The following CDK20 variants were observed in gnomAD, a reference collection of about 807,000 sequenced individuals.
CDK20 encodes the protein cyclin dependent kinase 20.
CDK20 carries 40 observed loss-of-function variants against 38.6 expected under a neutral mutation model. That is an observed-to-expected ratio of 1.04 (90% CI 0.81 to 1.35). CDK20 has a LOEUF of 1.35. CDK20 is among the 40% of genes most tolerant of loss of function. The pLI is 0.00. For missense variants in CDK20, 512 were observed against 452.6 expected, an observed-to-expected ratio of 1.13 and a Z score of -1.19; for synonymous variants, 209 against 185.7, an observed-to-expected ratio of 1.13 and a Z score of -1.02.
Position 87,967,622 on chromosome 9 carries a change from G to A in CDK20, c.881C>T (p.Pro294Leu), listed in dbSNP as rs1389943445. The change falls in exon 8 of 8, where the codon CCT (proline) becomes CTT (leucine). Residue 294 changes from proline (P) to leucine (L), a missense_variant. Coordinates refer to ENST00000325303, the MANE Select transcript of CDK20 (RefSeq NM_001039803.3). ...AATCGGCAGCTCAGATGGATGGGCAGGCAGGGGAGCTGTGAAGAAGTACTG... is the reference window on the plus strand; with the variant it reads ...AATCGGCAGCTCAGATGGATGGGCAAGCAGGGGAGCTGTGAAGAAGTACTG... ...LHQYFFTAPL[P>L]AHPSELPIPQ... The A allele has an allele frequency of 6.7e-7, 1 of 1,503,374 alleles. No homozygotes were observed. Among genetic ancestry groups the A allele is most frequent in the Admixed American group, 2.2e-5 (1 of 46,012 alleles). 93.1% of individuals were successfully genotyped at this position (1,503,374 alleles called of 1,614,324 possible).
intron 2 of CDK20, among the ~76,000 whole-genome samples, chr9:87,972,212 G>GA (rs909778078): frequency 2.7e-5 from 4 of 150,192 alleles, no homozygotes; most frequent in East Asian, 1.9e-4. Flanking sequence ...ATCAAAAAAA[G>GA]AAAAAAAATC....
Position 87,967,443 on chromosome 9 carries a change from C to CG in CDK20, c.*18dup, listed in dbSNP as rs889870512. The CG allele has an allele frequency of 6.4e-6, 10 of 1,551,878 alleles. No homozygotes were observed. The highest frequency in any genetic ancestry group is 1.7e-4 in the Middle Eastern group (1 of 6,010). On this transcript the variant is annotated 3_prime_UTR_variant, in exon 8 of 8. Transcript: ENST00000325303. ...TGAGTGGTCCTGAGGAGCAGGCAGA[C>CG]GGGACCAGGGCCAACTTCTCACCCC...
chr9:87,973,864 A>G, intron 2 of CDK20, 58 bp downstream of exon 2: 1 of 1,555,036 alleles, frequency 6.4e-7, no homozygotes, highest in South Asian at 1.2e-5. Context: ...TGAAGGCACA[A>G]AGAAGTGGGA....
chr9:87,971,482 CAG>C (rs952398466), intron 2 of CDK20, 147 bp from the exon 3 acceptor site: 10 of 694,386 alleles, frequency 1.4e-5, no homozygotes, highest in East Asian at 1.1e-4. Flanking sequence ...AGCTAAGAAT[CAG>C]AGAGCTCGAT....
Position 87,967,576 on chromosome 9 carries a change from A to G in CDK20, c.927T>C (p.Pro309=). The change falls in exon 8 of 8, where the codon CCT becomes CCC. Residue 309 remains proline, a synonymous_variant. Transcript: ENST00000325303. The stretch of plus-strand genomic sequence containing the variant: ...GGGGCCCTGGATGGGCCTTGGGGGC[A>G]GGTCCCCCTAGACGCTGAGGAATCG... ...ELPIPQRLGG[P]APKAHPGPPH... 4 of 1,546,880 alleles carry G rather than the reference A, an allele frequency of 2.6e-6. No homozygotes were observed. The Middle Eastern group carries it at 6.7e-4, about 260-fold the overall frequency.
chr9:87,971,846 GACAA>G (rs376382191), intron 2 of CDK20, among the ~76,000 whole-genome samples: 13 of 152,094 alleles, frequency 8.5e-5, no homozygotes, highest in African/African-American at 2.6e-4. Context: ...CAGCACAAAG[GACAA>G]ACAGTTTAAC....
intron 2 of CDK20, among the ~76,000 whole-genome samples, chr9:87,973,615 T>A (rs893361593): frequency 6.6e-6 from 1 of 152,186 alleles, no homozygotes; most frequent in Admixed American, 6.5e-5. Flanking sequence ...CAATAGGTGC[T>A]AGTTACATTA....
In CDK20 at chr9:87,973,909, C is replaced by G; in HGVS notation, c.189+13G>C. The G allele has an allele frequency of 6.2e-7, 1 of 1,611,208 alleles. No homozygotes were observed. The highest frequency in any genetic ancestry group is 8.5e-7 in the Non-Finnish European group (1 of 1,178,176). On this transcript the variant is annotated intron_variant, in intron 2 of 7. Transcript: ENST00000325303. ...TGAGGGTGAGAATACCATGCCCCCC[C>G]TCCCCTACTCACATACTGATTGTCC...
chr9:87,969,769 C>T, intron 6 of CDK20, 27 bp downstream of exon 6: 1 of 1,613,204 alleles, frequency 6.2e-7, no homozygotes, highest in African/African-American at 1.3e-5. Context: ...CTGCCCCACA[C>T]CCACCTCACC....
chr9:87,972,793 A>G (rs572986852), intron 2 of CDK20, among the ~76,000 whole-genome samples: 61 of 152,314 alleles, frequency 4.0e-4, no homozygotes, highest in Non-Finnish European at 7.9e-4. Context: ...CAGCTTCCTT[A>G]TGGATCTCTC....
Position 87,971,379 on chromosome 9 carries a change from G to C in CDK20, c.190-44C>G, listed in dbSNP as rs761475631. On this transcript the variant is annotated intron_variant, in intron 2 of 7. Transcript: ENST00000325303. ...GTTAGCCCCCAGACTCAAGTCACCA[G>C]ACCCTCTCTGTGACCCTGAGACCCC... is the stretch of plus-strand genomic sequence containing the variant. 1.9e-6 allele frequency: 3 copies of C among 1,552,762 alleles called. No homozygotes were observed. In the South Asian group the frequency reaches 3.5e-5, roughly 18 times the overall value.
chr9:87,969,580 T>G (rs1829703957), intron 6 of CDK20: 3 of 786,376 alleles, frequency 3.8e-6, no homozygotes, highest in South Asian at 1.8e-5. Flanking sequence ...ACTGCACATG[T>G]GTGTACTGGG....
chr9:87,971,157 A>T lies in CDK20; in HGVS notation c.368T>A (p.Ile123Asn). The T allele has an allele frequency of 6.2e-7, 1 of 1,613,946 alleles. No homozygotes were observed. The highest frequency in any genetic ancestry group is 8.5e-7 in the Non-Finnish European group (1 of 1,179,916). ...KGVAFCHANN[I>N]VHRDLKPANL... ...TATGCTGAGACTGACCCGATGTACA[A>T]TGTTGTTGGCATGGCAGAAGGCGAC... Residue 123 changes from isoleucine (I) to asparagine (N), a missense_variant, in exon 3 of 8, where the codon ATT (isoleucine) becomes AAT (asparagine). Ile to Asn is a moderately radical substitution (Grantham distance 149). Coordinates refer to ENST00000325303, the MANE Select transcript of CDK20 (RefSeq NM_001039803.3).
Position 87,971,336 on chromosome 9 carries a change from C to A in CDK20, c.190-1G>T, listed in dbSNP as rs777853462. ...GGAACACAGCCTTCAGTTGTACCACCTGTGGGCAGGACATCTTGTTAGCCC... is the reference window on the plus strand; with the variant it reads ...GGAACACAGCCTTCAGTTGTACCACATGTGGGCAGGACATCTTGTTAGCCC... On this transcript the variant is annotated splice_acceptor_variant, in intron 2 of 7. Coordinates refer to ENST00000325303, the MANE Select transcript of CDK20 (RefSeq NM_001039803.3). LOFTEE classifies it high-confidence loss of function. 6.2e-7 allele frequency: 1 copy of A among 1,609,974 alleles called. No homozygotes were observed. Among genetic ancestry groups the A allele is most frequent in the South Asian group, 1.1e-5 (1 of 90,378 alleles).
Position 87,967,542 on chromosome 9 carries a change from G to T in CDK20, c.961C>A (p.His321Asn). Residue 321 changes from histidine to asparagine, a missense_variant, in exon 8 of 8, where the codon CAT (histidine) becomes AAT (asparagine). His to Asn is a moderately conservative substitution (Grantham distance 68). Transcript: ENST00000325303. ...AGAGGCCGGTCCACGTGGAAGTCAT[G>T]GATGTGGGGGGGCCCTGGATGGGCC... is the stretch of plus-strand genomic sequence containing the variant. ...PKAHPGPPHIHDFHVDRPLEE... is the reference protein window; with the variant it reads ...PKAHPGPPHINDFHVDRPLEE... 1 of 1,554,058 alleles carries T rather than the reference G, an allele frequency of 6.4e-7. No individual in the cohort carries two copies. The highest frequency in any genetic ancestry group is 8.7e-7 in the Non-Finnish European group (1 of 1,148,310).
chr9:87,974,525 A>G lies in CDK20; in HGVS notation c.-79T>C. 1 of 1,323,368 alleles carries G rather than the reference A, an allele frequency of 7.6e-7. No homozygotes were observed. Among genetic ancestry groups the G allele is most frequent in the Non-Finnish European group, 1.0e-6 (1 of 975,800 alleles). 82.0% of individuals were successfully genotyped at this position (1,323,368 alleles called of 1,614,324 possible). A position where few individuals can be genotyped will look rare whatever the true frequency, so the allele number is the denominator to read the frequency against. On this transcript the variant is annotated 5_prime_UTR_variant, in exon 1 of 8. Transcript: ENST00000325303. ...TTCTCCTCCACCCCACGCTGATCTG[A>G]GCTCGCACGCTGTTGCCTAGCAACA...
At position 87,971,216 on chromosome 9, in the gene CDK20, C is replaced by T. The variant is rs1829833606; in HGVS notation, c.309G>A (p.Gln103=). The change falls in exon 3 of 8, where the codon CAG becomes CAA. Residue 103 remains glutamine (Q), a synonymous_variant. Coordinates refer to ENST00000325303, the MANE Select transcript of CDK20 (RefSeq NM_001039803.3). ...RHAQRPLAQA[Q]VKSYLQMLLK... is the part of the protein sequence containing the mutation. ...GCAGCATCTGCAGGTAGCTCTTGAC[C>T]TGTGCCTGGGCTAGTGGCCTCTGGG... The T allele has an allele frequency of 1.9e-6, 3 of 1,614,206 alleles. No homozygotes were observed. The highest frequency in any genetic ancestry group is 1.6e-4 in the Middle Eastern group (1 of 6,062).
In CDK20 at chr9:87,969,691, G is replaced by A. The variant is rs1450251361; in HGVS notation, c.687+105C>T. The A allele has an allele frequency of 6.5e-6, 10 of 1,528,042 alleles. No homozygotes were observed. The African/African-American group carries it at 8.3e-5, about 13-fold the overall frequency. The allele number at this position is 1,528,042 out of a possible 1,614,324, so 94.7% of individuals were successfully genotyped here. On this transcript the variant is annotated intron_variant, in intron 6 of 7. Transcript: ENST00000325303. ...GACAGTGGTCCCTGTCCATCAAGGG[G>A]GGTTGGGGCCAGGAGAGAGAAGGTT...
intron 5 of CDK20, 24 bp downstream of exon 5, chr9:87,970,544 T>G (rs773015621): frequency 1.7e-5 from 28 of 1,607,960 alleles, no homozygotes; most frequent in Non-Finnish European, 2.4e-5. Flanking sequence ...CATGTTACCC[T>G]TTGACCACCC....
Sources: gnomAD v4.1 joint callset for allele counts (sites outside exome capture counted in the v4.1 genomes callset) on GRCh38, gnomAD v4.1.1 for gene constraint, MANE v1.5 for transcripts, NCBI Gene and HGNC (gene_info 2026-07-23, HGNC 2026-07-21) for gene names.